The following NBEA variants were observed in gnomAD, a reference collection of about 807,000 sequenced individuals.
NBEA encodes the protein lysosomal-trafficking regulator 2.
A neutral mutation model predicts 343.4 loss-of-function variants in NBEA; 44 were observed. That is an observed-to-expected ratio of 0.13 (90% CI 0.10 to 0.16). NBEA has a LOEUF of 0.16. Among genes scored for constraint, NBEA ranks in the 10% least tolerant of loss-of-function variants. The pLI, the probability that NBEA is intolerant of heterozygous loss-of-function variation, is 1.00. For missense variants in NBEA, 2,555 were observed against 3,631.3 expected (o/e 0.70, Z 7.62); for synonymous variants, 1,175 against 1,238.7 (o/e 0.95, Z 1.08).
At chr13:34,960,629 C>G (rs1326590206) in intron 1 of NBEA, among the ~76,000 whole-genome samples, 2 of 151,880 alleles carry the variant, frequency 1.3e-5, no homozygotes, top group Non-Finnish European at 2.9e-5. Flanking sequence ...TTTTCTGTGT[C>G]TAGATATGTT....
At chr13:35,041,287 G>A in intron 2 of NBEA, 123 bp downstream of exon 2, 9 of 863,682 alleles carry the variant, frequency 1.0e-5, no homozygotes, top group Admixed American at 5.8e-5. Flanking sequence ...AAATGGAAAT[G>A]TGTGGAAATT....
chr13:34,966,233 C>T (rs142467952), intron 1 of NBEA, among the ~76,000 whole-genome samples: 134 of 152,050 alleles, frequency 8.8e-4, no homozygotes, highest in African/African-American at 2.7e-3. Context: ...AGTAGTGTGC[C>T]CATTGCATGT....
At chr13:35,335,647 G>A (rs145915574) in intron 36 of NBEA, among the ~76,000 whole-genome samples, 1 of 151,994 alleles carries the variant, frequency 6.6e-6, no homozygotes, top group South Asian at 2.1e-4. Flanking sequence ...ACACAACTTC[G>A]TAAGTCAGAA....
At chr13:35,009,205 A>G (rs116953327) in intron 1 of NBEA, among the ~76,000 whole-genome samples, 2,437 of 152,338 alleles carry the variant, frequency 0.016, 32 homozygotes, top group Middle Eastern at 0.024. Context: ...TACTGGAGGT[A>G]TAGTAGTGTA....
At chr13:35,025,902 G>T (rs2062004932) in intron 1 of NBEA, among the ~76,000 whole-genome samples, 1 of 151,888 alleles carries the variant, frequency 6.6e-6, no homozygotes, top group African/African-American at 2.4e-5. Flanking sequence ...TGAGTTGTTT[G>T]GAAAAAATTT....
intron 41 of NBEA, among the ~76,000 whole-genome samples, chr13:35,511,323 T>A (rs1170883836): frequency 6.6e-6 from 1 of 152,172 alleles, no homozygotes; most frequent in Non-Finnish European, 1.5e-5. Context: ...TTTAACCACA[T>A]AAGGACTTTT....
At chr13:35,201,955 T>G (rs1310518162) in intron 31 of NBEA, among the ~76,000 whole-genome samples, 1 of 152,112 alleles carries the variant, frequency 6.6e-6, no homozygotes, top group Non-Finnish European at 1.5e-5. Flanking sequence ...TAGACATTTT[T>G]CTAAAGTGTG....
At chr13:35,084,917 C>T (rs896734047) in intron 10 of NBEA, among the ~76,000 whole-genome samples, 3 of 152,132 alleles carry the variant, frequency 2.0e-5, no homozygotes, top group African/African-American at 7.2e-5. Context: ...ACCGATCCCA[C>T]AGAAATACAA....
At chr13:35,119,268 G>T (rs962187631) in intron 16 of NBEA, among the ~76,000 whole-genome samples, 1 of 152,010 alleles carries the variant, frequency 6.6e-6, no homozygotes, top group African/African-American at 2.4e-5. Context: ...TTAATTAGTG[G>T]GATGAGCAGG....
chr13:35,448,730 C>T (rs1258439775), intron 39 of NBEA, among the ~76,000 whole-genome samples: 3 of 152,076 alleles, frequency 2.0e-5, no homozygotes, highest in East Asian at 1.9e-4. Flanking sequence ...GGAAAGAGTA[C>T]ACAAGTGCTC....
chr13:35,550,982 T>C lies in NBEA; in HGVS notation c.6756T>C (p.Tyr2252=), dbSNP rs781346023. 1 of 1,611,876 alleles carries C rather than the reference T, an allele frequency of 6.2e-7. No individual in the cohort carries two copies. Among genetic ancestry groups the C allele is most frequent in the South Asian group, 1.1e-5 (1 of 90,974 alleles). ...PDQATVKKVV[Y]SLPRVGVGTS... ...AAGCAACAGTAAAAAAAGTTGTCTA[T>C]AGCTTGCCTCGGGTTGGAGTAGGGA... The change falls in exon 43 of 59, where the codon TAT becomes TAC. Residue 2252 remains tyrosine, a synonymous_variant. Transcript: ENST00000379939.
At position 35,184,167 on chromosome 13, in the gene NBEA, A is replaced by G. The variant is rs976078842; in HGVS notation, c.4927+96A>G. The G allele has an allele frequency of 5.9e-6, 5 of 848,360 alleles. No individual in the cohort carries two copies. In the Admixed American group the frequency reaches 8.9e-5, roughly 15 times the overall value. The allele number at this position is 848,360 out of a possible 1,614,324, so 52.6% of individuals were successfully genotyped here. Reference sequence around the variant, plus strand: ...ATGATATACTTGTTTATAAATAAGTATATACCTCAGGTTTCATGGAGATAT... The same window carrying G: ...ATGATATACTTGTTTATAAATAAGTGTATACCTCAGGTTTCATGGAGATAT... On this transcript the variant is annotated intron_variant, in intron 30 of 58. Transcript: ENST00000379939.
chr13:35,119,036 T>G (rs1309752028), intron 16 of NBEA, among the ~76,000 whole-genome samples: 2 of 152,044 alleles, frequency 1.3e-5, no homozygotes, highest in African/African-American at 4.8e-5. Context: ...GTATTAAAGA[T>G]GATGACTTGA....
chr13:35,202,436 T>C (rs1245875985), intron 31 of NBEA, among the ~76,000 whole-genome samples: 1 of 152,168 alleles, frequency 6.6e-6, no homozygotes, highest in Non-Finnish European at 1.5e-5. Context: ...TCTTATAGTG[T>C]GCCATGAATA....
At chr13:35,381,202 T>A (rs1028607272) in intron 38 of NBEA, among the ~76,000 whole-genome samples, 4 of 152,116 alleles carry the variant, frequency 2.6e-5, no homozygotes, top group African/African-American at 4.8e-5. Flanking sequence ...TAAGTAGTAG[T>A]TTTTGTTAGC....
At chr13:35,201,991 T>C (rs1455535588) in intron 31 of NBEA, among the ~76,000 whole-genome samples, 4 of 152,110 alleles carry the variant, frequency 2.6e-5, no homozygotes, top group Non-Finnish European at 5.9e-5. Context: ...CTGAAATAAT[T>C]CTTGTTATTT....
At chr13:35,406,593 T>A (rs1822986997) in intron 38 of NBEA, among the ~76,000 whole-genome samples, 1 of 152,134 alleles carries the variant, frequency 6.6e-6, no homozygotes, top group African/African-American at 2.4e-5. Flanking sequence ...CTTAGAATAA[T>A]GGTCTCCAAT....
intron 18 of NBEA, among the ~76,000 whole-genome samples, chr13:35,150,183 T>C (rs1164605321): frequency 6.6e-6 from 1 of 152,248 alleles, no homozygotes; most frequent in Non-Finnish European, 1.5e-5. Context: ...ATAATGTTTA[T>C]GGTTACTTTA....
chr13:35,514,897 G>C (rs1474056854), intron 41 of NBEA, among the ~76,000 whole-genome samples: 2 of 152,178 alleles, frequency 1.3e-5, no homozygotes, highest in African/African-American at 2.4e-5. Flanking sequence ...ACAAAAACCT[G>C]TGTTACCTTT....
Sources: allele counts gnomAD v4.1 joint callset (sites outside exome capture counted in the v4.1 genomes callset), GRCh38; gene constraint gnomAD v4.1.1; transcripts MANE v1.5; gene names NCBI Gene and HGNC (gene_info 2026-07-23, HGNC 2026-07-21).